Variants in CDH13 observed in about 807,000 individuals in gnomAD.
CDH13 encodes the protein cadherin 13.
Under a neutral mutation model 63.8 loss-of-function variants are expected in CDH13, and 24 were observed. That is an observed-to-expected ratio of 0.38 (90% CI 0.27 to 0.53). The LOEUF is 0.53. Ranked by LOEUF, CDH13 falls within the 20% of genes least tolerant of loss-of-function variation. CDH13 has a pLI of 0.85. For missense variants in CDH13, 1,049 were observed against 903.1 expected (o/e 1.16, Z -2.07); for synonymous variants, 503 against 355.3 (o/e 1.42, Z -4.67).
intron 6 of CDH13, among the ~76,000 whole-genome samples, chr16:83,481,984 G>A (rs2073777214): frequency 6.6e-6 from 1 of 152,148 alleles, no homozygotes; most frequent in Non-Finnish European, 1.5e-5. Flanking sequence ...ATTGGAGCAG[G>A]TGCACTGAGG....
At chr16:83,196,820 A>G (rs997563483) in intron 4 of CDH13, among the ~76,000 whole-genome samples, 2 of 152,230 alleles carry the variant, frequency 1.3e-5, no homozygotes, top group African/African-American at 2.4e-5. Flanking sequence ...TGCAGAAACC[A>G]TCACTCAGAC....
intron 6 of CDH13, among the ~76,000 whole-genome samples, chr16:83,349,194 C>T (rs1230398061): frequency 1.3e-5 from 2 of 152,166 alleles, no homozygotes; most frequent in Admixed American, 1.3e-4. Context: ...TTTGCAGAGC[C>T]ACAGACATTG....
chr16:83,118,411 C>T (rs1259780657), intron 3 of CDH13, among the ~76,000 whole-genome samples: 2 of 152,110 alleles, frequency 1.3e-5, no homozygotes, highest in African/African-American at 2.4e-5. Context: ...GTGTGTAAAC[C>T]CGCATGTGCA....
At chr16:83,299,089 G>T (rs1187515792) in intron 5 of CDH13, among the ~76,000 whole-genome samples, 1 of 151,990 alleles carries the variant, frequency 6.6e-6, no homozygotes, top group Admixed American at 6.5e-5. Context: ...ATGTACATAT[G>T]CATATAATTT....
At chr16:83,698,650 G>T (rs1381391160) in intron 10 of CDH13, among the ~76,000 whole-genome samples, 5 of 152,196 alleles carry the variant, frequency 3.3e-5, no homozygotes, top group Admixed American at 6.5e-5. Context: ...CTGATCTTAT[G>T]ATCTAGCCTG....
At chr16:82,839,932 A>T (rs2151129674) in intron 1 of CDH13, among the ~76,000 whole-genome samples, 1 of 152,320 alleles carries the variant, frequency 6.6e-6, no homozygotes, top group South Asian at 2.1e-4. Context: ...ATATTACATT[A>T]ATCCAGCTTG....
chr16:83,268,313 C>T (rs1243840145), intron 5 of CDH13, among the ~76,000 whole-genome samples: 5 of 152,158 alleles, frequency 3.3e-5, no homozygotes, highest in African/African-American at 7.2e-5. Context: ...TGGACAGTTA[C>T]GCTGCTGGTG....
chr16:83,629,023 C>A (rs1910557530), intron 8 of CDH13, among the ~76,000 whole-genome samples: 1 of 152,104 alleles, frequency 6.6e-6, no homozygotes, highest in Admixed American at 6.5e-5. Context: ...TTCATGGTAA[C>A]TGGTAATTGC....
intron 1 of CDH13, among the ~76,000 whole-genome samples, chr16:82,822,957 G>A (rs116580164): frequency 7.9e-4 from 121 of 152,256 alleles, no homozygotes; most frequent in African/African-American, 2.8e-3. Context: ...AAGTGCGCTC[G>A]CTCATAGACC....
intron 5 of CDH13, among the ~76,000 whole-genome samples, chr16:83,219,264 A>G (rs371033695): frequency 6.6e-6 from 1 of 152,156 alleles, no homozygotes; most frequent in African/African-American, 2.4e-5. Context: ...AGTAATTGCT[A>G]AACAGCTAAT....
intron 11 of CDH13, among the ~76,000 whole-genome samples, chr16:83,752,861 G>T (rs928177321): frequency 3.9e-5 from 6 of 152,184 alleles, no homozygotes; most frequent in African/African-American, 1.4e-4. Flanking sequence ...TCCCACCCAG[G>T]TGGGGGTTTC....
At chr16:83,653,243 C>T (rs576209096) in intron 8 of CDH13, among the ~76,000 whole-genome samples, 151 of 152,182 alleles carry the variant, frequency 9.9e-4, no homozygotes, top group African/African-American at 3.5e-3. Flanking sequence ...GGTTGCACAA[C>T]TCTGTGAATG....
At chr16:82,959,224 T>G (rs11861198) in intron 2 of CDH13, among the ~76,000 whole-genome samples, 1 of 152,176 alleles carries the variant, frequency 6.6e-6, no homozygotes, top group Non-Finnish European at 1.5e-5. Flanking sequence ...ACATTTCAAA[T>G]TCATGTTTTG....
chr16:83,471,432 G>A (rs539588219), intron 6 of CDH13, among the ~76,000 whole-genome samples: 10 of 152,100 alleles, frequency 6.6e-5, no homozygotes, highest in Non-Finnish European at 8.8e-5. Flanking sequence ...CTGCCACAGC[G>A]CCCGGCTAAT....
intron 6 of CDH13, among the ~76,000 whole-genome samples, chr16:83,443,215 T>A (rs908349838): frequency 6.6e-6 from 1 of 152,180 alleles, no homozygotes; most frequent in African/African-American, 2.4e-5. Context: ...CAGTGATGCT[T>A]AGAATGGTGG....
intron 3 of CDH13, among the ~76,000 whole-genome samples, chr16:83,099,296 T>C (rs890936814): frequency 1.3e-5 from 2 of 152,176 alleles, no homozygotes; most frequent in Non-Finnish European, 2.9e-5. Flanking sequence ...AAAACAATTC[T>C]ATGATGTAGG....
At chr16:83,200,048 A>G (rs1463689624) in intron 4 of CDH13, among the ~76,000 whole-genome samples, 4 of 152,114 alleles carry the variant, frequency 2.6e-5, no homozygotes, top group African/African-American at 9.7e-5. Context: ...TTAAGCAGAG[A>G]TCCCTGGACA....
chr16:83,269,185 G>A (rs983491474), intron 5 of CDH13, among the ~76,000 whole-genome samples: 3 of 152,142 alleles, frequency 2.0e-5, no homozygotes, highest in African/African-American at 4.8e-5. Flanking sequence ...AAATTCAAAT[G>A]TTGTGTCATA....
At chr16:83,541,069 G>A (rs7191147) in intron 7 of CDH13, among the ~76,000 whole-genome samples, 29,313 of 151,876 alleles carry the variant, frequency 0.19, 2,927 homozygotes, top group Admixed American at 0.25. Flanking sequence ...GTTCACTCCC[G>A]CTCAATCCCC....
Sources: gnomAD v4.1 joint callset for allele counts (sites outside exome capture counted in the v4.1 genomes callset) on GRCh38, gnomAD v4.1.1 for gene constraint, MANE v1.5 for transcripts, NCBI Gene and HGNC (gene_info 2026-07-23, HGNC 2026-07-21) for gene names.